The following LHFPL2 variants were observed in gnomAD, a reference collection of about 807,000 sequenced individuals.
LHFPL2 encodes the protein LHFPL tetraspan subfamily member 2 protein.
Under a neutral mutation model 17.5 loss-of-function variants are expected in LHFPL2, and 7 were observed. The observed-to-expected ratio is 0.40, with a 90% CI of 0.23 to 0.75. The LOEUF (loss-of-function observed/expected upper bound fraction) is 0.75, where lower values mean the gene tolerates loss of function less well. LHFPL2 is among the 30% of genes least tolerant of loss of function. LHFPL2 has a pLI of 0.37. For missense variants in LHFPL2, 241 were observed against 294.8 expected, an observed-to-expected ratio of 0.82 and a Z score of 1.34; for synonymous variants, 134 against 116.2, an observed-to-expected ratio of 1.15 and a Z score of -0.99.
chr5:78,585,723 TG>T (rs1743364659), intron 2 of LHFPL2, among the ~76,000 whole-genome samples: 1 of 152,224 alleles, frequency 6.6e-6, no homozygotes, highest in African/African-American at 2.4e-5. Context: ...ACGTATTGAA[TG>T]AGCCCTGGCT....
At chr5:78,500,824 G>A (rs550624165) in intron 4 of LHFPL2, among the ~76,000 whole-genome samples, 1 of 152,276 alleles carries the variant, frequency 6.6e-6, no homozygotes, top group African/African-American at 2.4e-5. Flanking sequence ...CAGTTCTGAA[G>A]TGATTCTTCA....
At chr5:78,514,689 G>A (rs1755239100) in intron 3 of LHFPL2, among the ~76,000 whole-genome samples, 1 of 152,132 alleles carries the variant, frequency 6.6e-6, no homozygotes, top group Admixed American at 6.5e-5. Flanking sequence ...AAAGAATGAG[G>A]GAAACCTGAA....
intron 3 of LHFPL2, among the ~76,000 whole-genome samples, chr5:78,551,227 A>C (rs894900107): frequency 5.9e-5 from 9 of 152,232 alleles, no homozygotes. Flanking sequence ...ATGATAAAAG[A>C]GGAAGTAGAA....
chr5:78,552,934 T>C (rs1422927566), intron 3 of LHFPL2, among the ~76,000 whole-genome samples: 4 of 152,208 alleles, frequency 2.6e-5, no homozygotes, highest in Admixed American at 1.3e-4. Flanking sequence ...CTTTGGGACT[T>C]GGAACCCCAC....
chr5:78,633,847 C>T (rs940330666), intron 1 of LHFPL2, among the ~76,000 whole-genome samples: 11 of 152,118 alleles, frequency 7.2e-5, no homozygotes, highest in African/African-American at 2.7e-4. Flanking sequence ...AAAGAGAATG[C>T]ATGCTTCTCC....
chr5:78,544,569 T>C (rs1756211719), intron 3 of LHFPL2, among the ~76,000 whole-genome samples: 1 of 152,206 alleles, frequency 6.6e-6, no homozygotes. Flanking sequence ...TTTTTGTTAA[T>C]AGGATGTATA....
chr5:78,489,232 ATTTGCTTGC>A (rs1180253609), intron 4 of LHFPL2, 79 bp from the exon 5 acceptor site: 3 of 1,548,392 alleles, frequency 1.9e-6, no homozygotes, highest in East Asian at 2.3e-5. Flanking sequence ...TTGTTACTTG[ATTTGCTTGC>A]TTTGGGCAAG....
chr5:78,599,964 G>C (rs1288518432), intron 2 of LHFPL2, among the ~76,000 whole-genome samples: 3 of 152,048 alleles, frequency 2.0e-5, no homozygotes, highest in Admixed American at 1.3e-4. Flanking sequence ...AATTTTAAGT[G>C]ATCAGGAAAA....
At chr5:78,533,152 C>T (rs1009940656) in intron 3 of LHFPL2, among the ~76,000 whole-genome samples, 1 of 152,186 alleles carries the variant, frequency 6.6e-6, no homozygotes, top group Admixed American at 6.5e-5. Flanking sequence ...TTCCTTAGGT[C>T]CAGGTCAGTG....
At chr5:78,628,385 G>GCTTCTTC (rs1745130682) in intron 2 of LHFPL2, among the ~76,000 whole-genome samples, 1 of 152,172 alleles carries the variant, frequency 6.6e-6, no homozygotes, top group Non-Finnish European at 1.5e-5. Context: ...GTAATTGCTG[G>GCTTCTTC]CTTCTTCCTC....
chr5:78,549,958 T>A (rs1481859557), intron 3 of LHFPL2, among the ~76,000 whole-genome samples: 2 of 152,240 alleles, frequency 1.3e-5, no homozygotes, highest in East Asian at 3.8e-4. Flanking sequence ...CTAGAAGTTA[T>A]ATGCAAAAAA....
At chr5:78,574,880 C>T (rs542646815) in intron 2 of LHFPL2, among the ~76,000 whole-genome samples, 3 of 152,360 alleles carry the variant, frequency 2.0e-5, no homozygotes, top group East Asian at 3.9e-4. Flanking sequence ...TCTTGCTGAG[C>T]GTCACCAAAC....
Position 78,560,587 on chromosome 5 carries a change from G to C in LHFPL2, c.-186+4226C>G, listed in dbSNP as rs79715811. On this transcript the variant is annotated intron_variant, in intron 3 of 4. Transcript: ENST00000380345. ...ATATCCTAGGGAGTGGTTGTGAGGG[G>C]AAGGCTCTGAGGGCTCCCCTTGACA... Among the ~76,000 whole-genome samples, 1,080 of 152,308 alleles carry C rather than the reference G, an allele frequency of 7.1e-3. 13 individuals carry two copies. Among genetic ancestry groups the C allele is most frequent in the Non-Finnish European group, 0.011 (751 of 68,016 alleles).
In LHFPL2 at chr5:78,594,245, C is replaced by T. The variant is rs571282110; in HGVS notation, c.-244-29374G>A. 3.3e-5 allele frequency among the ~76,000 whole-genome samples: 5 copies of T among 152,292 alleles called. No homozygotes were observed. In the East Asian group the frequency reaches 7.7e-4, roughly 24 times the overall value. On this transcript the variant is annotated intron_variant, in intron 2 of 4. Transcript: ENST00000380345. Reference sequence around the variant, plus strand: ...CTTAAAGACATTCGGCCCTATGTAGCATGTTAACTCTGTTCCCCTATTTTT... The same window carrying T: ...CTTAAAGACATTCGGCCCTATGTAGTATGTTAACTCTGTTCCCCTATTTTT...
chr5:78,631,935 CAAAAAAA>C (rs35424661), intron 2 of LHFPL2, among the ~76,000 whole-genome samples: 2 of 104,582 alleles, frequency 1.9e-5, no homozygotes, highest in African/African-American at 3.4e-5. Context: ...GACTCCATCT[CAAAAAAA>C]AAAAAAAAGA....
chr5:78,522,937 G>T (rs189987544), intron 3 of LHFPL2, among the ~76,000 whole-genome samples: 2 of 152,138 alleles, frequency 1.3e-5, no homozygotes, highest in African/African-American at 2.4e-5. Context: ...TGTAGCTGAG[G>T]GGGGAGAAAA....
Position 78,487,114 on chromosome 5 carries a change from T to C in LHFPL2, c.*1783A>G, listed in dbSNP as rs954384002. 4 of 152,196 alleles carry C rather than the reference T, an allele frequency of 2.6e-5. No individual in the cohort carries two copies. Among genetic ancestry groups the C allele is most frequent in the Non-Finnish European group, 5.9e-5 (4 of 68,030 alleles). 9.4% of individuals were successfully genotyped at this position (152,196 alleles called of 1,614,324 possible). A position where few individuals can be genotyped will look rare whatever the true frequency, so the allele number is the denominator to read the frequency against. ...TCACAGGATTTACATCTCACTCACT[T>C]TGAATTTTGGTTCAGGAATGGGAAA... On this transcript the variant is annotated 3_prime_UTR_variant, in exon 5 of 5. Transcript: ENST00000380345.
At chr5:78,634,860 A>G (rs1745378305) in intron 1 of LHFPL2, among the ~76,000 whole-genome samples, 1 of 152,250 alleles carries the variant, frequency 6.6e-6, no homozygotes, top group African/African-American at 2.4e-5. Context: ...CCCCTTGAGG[A>G]CAAAGACATT....
chr5:78,491,454 T>C (rs1035890680), intron 4 of LHFPL2: 1 of 152,358 alleles, frequency 6.6e-6, no homozygotes, highest in Non-Finnish European at 1.5e-5. Context: ...TGCAGACTCT[T>C]GGTCGTCTAG....
Sources: gnomAD v4.1 joint callset for allele counts (sites outside exome capture counted in the v4.1 genomes callset) on GRCh38, gnomAD v4.1.1 for gene constraint, MANE v1.5 for transcripts, NCBI Gene and HGNC (gene_info 2026-07-23, HGNC 2026-07-21) for gene names.